Variants in TULP4 observed in about 807,000 individuals in gnomAD.
The protein encoded by TULP4 is tubby-related protein 4.
A neutral mutation model predicts 129.0 loss-of-function variants in TULP4; 16 were observed. The observed-to-expected ratio is 0.12, with a 90% CI of 0.08 to 0.19. The LOEUF (loss-of-function observed/expected upper bound fraction) is 0.19, where lower values mean the gene tolerates loss of function less well. TULP4 is among the 10% of genes least tolerant of loss of function. TULP4 has a pLI of 1.00. For synonymous variants in TULP4, 998 were observed against 854.0 expected, an observed-to-expected ratio of 1.17 and a Z score of -2.94; for missense variants, 1,842 against 2,059.1, an observed-to-expected ratio of 0.89 and a Z score of 2.04.
chr6:158,453,248 A>T (rs910774010), intron 5 of TULP4, among the ~76,000 whole-genome samples: 2 of 152,040 alleles, frequency 1.3e-5, no homozygotes, highest in African/African-American at 4.8e-5. Context: ...CAGGTGGATC[A>T]CAAGGTCAGC....
chr6:158,388,653 G>GGA (rs1554286573), intron 1 of TULP4, among the ~76,000 whole-genome samples: 1 of 142,478 alleles, frequency 7.0e-6, no homozygotes, highest in Non-Finnish European at 1.5e-5. Flanking sequence ...TTTTCTAATG[G>GGA]AAAAAAAAAA....
intron 9 of TULP4, among the ~76,000 whole-genome samples, chr6:158,492,072 A>C (rs555795251): frequency 1.3e-4 from 19 of 151,886 alleles, no homozygotes; most frequent in Admixed American, 1.1e-3. Context: ...ATTGGCCAGG[A>C]TGGTCTCAAA....
chr6:158,322,087 G>T (rs1325765473), intron 1 of TULP4, among the ~76,000 whole-genome samples: 1 of 152,146 alleles, frequency 6.6e-6, no homozygotes, highest in African/African-American at 2.4e-5. Flanking sequence ...ATTCAGAGAG[G>T]TTAGAAAACC....
intron 1 of TULP4, among the ~76,000 whole-genome samples, chr6:158,236,665 A>T (rs1777707188): frequency 6.6e-6 from 1 of 152,156 alleles, no homozygotes; most frequent in South Asian, 2.1e-4. Context: ...TAGCTGAAAT[A>T]GTAGAAGTAG....
At chr6:158,325,461 T>C (rs11962420) in intron 1 of TULP4, among the ~76,000 whole-genome samples, 77,698 of 151,320 alleles carry the variant, frequency 0.51, 20,049 homozygotes, top group South Asian at 0.61. Context: ...CATGCCATTC[T>C]CCTGCCTTAG....
At chr6:158,376,644 G>A (rs550892280) in intron 1 of TULP4, among the ~76,000 whole-genome samples, 5 of 152,212 alleles carry the variant, frequency 3.3e-5, no homozygotes, top group Non-Finnish European at 4.4e-5. Context: ...TAGTGTGGGC[G>A]TCTTTGGGAA....
chr6:158,460,297 G>T (rs1175169200), intron 5 of TULP4, among the ~76,000 whole-genome samples: 4 of 152,184 alleles, frequency 2.6e-5, no homozygotes, highest in East Asian at 1.9e-4. Flanking sequence ...AGAGCCCGGG[G>T]ACCACTGAAT....
chr6:158,262,097 G>T (rs566957581), intron 1 of TULP4, among the ~76,000 whole-genome samples: 1 of 152,318 alleles, frequency 6.6e-6, no homozygotes, highest in African/African-American at 2.4e-5. Flanking sequence ...ACTGGACACT[G>T]GGTAGAGGGC....
chr6:158,502,254 G>A lies in TULP4; in HGVS notation c.2591G>A (p.Cys864Tyr). 6.3e-7 allele frequency: 1 copy of A among 1,590,084 alleles called. No individual in the cohort carries two copies. Among genetic ancestry groups the A allele is most frequent in the Non-Finnish European group, 8.6e-7 (1 of 1,162,680 alleles). ...CCCCCACAGCCCCCAGTGGATGTGT[G>A]CTTGAAGAAGGGCGACTTCTCCCTC... ...LPPPQPPVDV[C>Y]LKKGDFSLYP... is the part of the protein sequence containing the mutation. The change falls in exon 13 of 14, where the codon TGC becomes TAC. Residue 864 changes from cysteine to tyrosine, a missense_variant. Physicochemically the swap from Cys to Tyr is radical, Grantham distance 194. Around this residue, in one of 5 missense-constraint regions of TULP4, gnomAD observed 1,089 missense variants for 987.1 expected, o/e 1.10. Transcript: ENST00000367097.
intron 1 of TULP4, chr6:158,397,955 T>C (rs1339219856): frequency 1.3e-5 from 2 of 152,232 alleles, no homozygotes; most frequent in African/African-American, 4.8e-5. Flanking sequence ...CTTCTGTAGA[T>C]TGGCAATCTT....
At chr6:158,420,298 A>C (rs1288605539) in intron 2 of TULP4, among the ~76,000 whole-genome samples, 1 of 152,220 alleles carries the variant, frequency 6.6e-6, no homozygotes, top group African/African-American at 2.4e-5. Flanking sequence ...TTTGTGGGCC[A>C]TACAAAAATA....
Position 158,479,880 on chromosome 6 carries a change from G to T in TULP4, c.1156G>T (p.Ala386Ser). ...GCAGCTGCTGTGCCAGCAGGCCATCGCCAGCACCTTGCGTGAGGACAAGGA... is the reference window on the plus strand; with the variant it reads ...GCAGCTGCTGTGCCAGCAGGCCATCTCCAGCACCTTGCGTGAGGACAAGGA... ...SLQLLCQQAI[A>S]STLREDKDVS... The change falls in exon 7 of 14, where the codon GCC becomes TCC. Residue 386 changes from alanine to serine, a missense_variant. Ala to Ser is a moderately conservative substitution (Grantham distance 99). Around this residue, in one of 5 missense-constraint regions of TULP4, gnomAD observed 456 missense variants for 534.3 expected, o/e 0.85. Transcript: ENST00000367097. 9.9e-6 allele frequency: 16 copies of T among 1,613,472 alleles called. 1 individual carries two copies. The highest frequency in any genetic ancestry group is 1.4e-5 in the Non-Finnish European group (16 of 1,180,030).
In TULP4 at chr6:158,481,388, G is replaced by A. The variant is rs552678808; in HGVS notation, c.1486+99G>A. The stretch of plus-strand genomic sequence containing the variant: ...CAAAGAGAATGTCTGCTAATGAAAC[G>A]TGAGCCTGTGGGGGCTAGTGTGGAA... On this transcript the variant is annotated intron_variant, in intron 8 of 13. Transcript: ENST00000367097. The A allele has an allele frequency of 1.5e-5, 17 of 1,120,438 alleles. No homozygotes were observed. In the East Asian group the frequency reaches 2.1e-4, roughly 14 times the overall value. The allele number at this position is 1,120,438 out of a possible 1,614,324, so 69.4% of individuals were successfully genotyped here.
At chr6:158,416,958 C>A (rs569083021) in intron 2 of TULP4, among the ~76,000 whole-genome samples, 1 of 152,294 alleles carries the variant, frequency 6.6e-6, no homozygotes, top group East Asian at 1.9e-4. Flanking sequence ...AGGTCTGTAG[C>A]CTAGGAGTAG....
chr6:158,468,921 T>C (rs562053162), intron 6 of TULP4, among the ~76,000 whole-genome samples: 46 of 152,306 alleles, frequency 3.0e-4, no homozygotes, highest in South Asian at 1.0e-3. Flanking sequence ...GGAGGCCTTA[T>C]GACTTAATCA....
intron 8 of TULP4, among the ~76,000 whole-genome samples, chr6:158,488,055 C>T (rs190468887): frequency 1.4e-4 from 21 of 152,168 alleles, no homozygotes; most frequent in South Asian, 2.1e-4. Context: ...CACTTGAGTC[C>T]GGGGGTTTAA....
At chr6:158,485,178 A>G (rs1248142515) in intron 8 of TULP4, among the ~76,000 whole-genome samples, 1 of 152,230 alleles carries the variant, frequency 6.6e-6, no homozygotes, top group Non-Finnish European at 1.5e-5. Context: ...ATTAAACTGG[A>G]TATGTAACTG....
chr6:158,433,571 C>T (rs1488357602), intron 3 of TULP4, among the ~76,000 whole-genome samples: 4 of 152,112 alleles, frequency 2.6e-5, no homozygotes, highest in Non-Finnish European at 4.4e-5. Flanking sequence ...ATTAGCCAGG[C>T]GTGGTGGCAC....
chr6:158,297,994 A>T (rs1188249338), intron 1 of TULP4, among the ~76,000 whole-genome samples: 2 of 152,144 alleles, frequency 1.3e-5, no homozygotes, highest in African/African-American at 4.8e-5. Context: ...TCCCCCTAGG[A>T]ATGCAATTCT....
Sources: gnomAD v4.1 joint callset for allele counts (sites outside exome capture counted in the v4.1 genomes callset) on GRCh38, gnomAD v4.1.1 for gene constraint, gnomAD v4.1.1 regional missense constraint, MANE v1.5 for transcripts, NCBI Gene and HGNC (gene_info 2026-07-23, HGNC 2026-07-21) for gene names.